HDAC9: variants seen among roughly 807,000 people sequenced by gnomAD.
HDAC9 encodes histone deacetylase 9.
A neutral mutation model predicts 139.4 loss-of-function variants in HDAC9; 41 were observed. That is an observed-to-expected ratio of 0.29 (90% CI 0.23 to 0.38). The LOEUF is 0.38. Among genes scored for constraint, HDAC9 ranks in the 10% least tolerant of loss-of-function variants. The pLI is 1.00. For missense variants in HDAC9, 1,147 were observed against 1,297.0 expected, an observed-to-expected ratio of 0.88 and a Z score of 1.78; for synonymous variants, 517 against 476.2, an observed-to-expected ratio of 1.09 and a Z score of -1.12.
At chr7:18,369,352 A>G (rs1300469487) in intron 1 of HDAC9, among the ~76,000 whole-genome samples, 1 of 152,086 alleles carries the variant, frequency 6.6e-6, no homozygotes, top group Non-Finnish European at 1.5e-5. Flanking sequence ...TATTTTCTAT[A>G]GTGGTATTTA....
chr7:18,755,020 T>C (rs1304867294), intron 14 of HDAC9, among the ~76,000 whole-genome samples: 1 of 152,142 alleles, frequency 6.6e-6, no homozygotes, highest in African/African-American at 2.4e-5. Context: ...AACAGTGTAC[T>C]GTTTTGCTTA....
chr7:18,946,018 T>C (rs886390289), intron 23 of HDAC9, among the ~76,000 whole-genome samples: 1 of 99,400 alleles, frequency 1.0e-5, no homozygotes, highest in East Asian at 3.7e-4. Context: ...GCCTGGGTGA[T>C]AGTACAAGAC....
At chr7:18,577,658 A>G (rs962417446) in intron 2 of HDAC9, among the ~76,000 whole-genome samples, 10 of 152,122 alleles carry the variant, frequency 6.6e-5, no homozygotes, top group Admixed American at 1.3e-4. Flanking sequence ...CATTGTATTT[A>G]GCAGAGTAAT....
At chr7:18,446,146 AC>A (rs1490065981) in intron 1 of HDAC9, among the ~76,000 whole-genome samples, 3 of 152,252 alleles carry the variant, frequency 2.0e-5, no homozygotes, top group Admixed American at 1.3e-4. Flanking sequence ...AGTGGGACAA[AC>A]ACTACCCTTT....
At chr7:18,567,628 T>G (rs964563829) in intron 2 of HDAC9, among the ~76,000 whole-genome samples, 1 of 152,174 alleles carries the variant, frequency 6.6e-6, no homozygotes, top group African/African-American at 2.4e-5. Flanking sequence ...CCTATGATTT[T>G]GGGTTATATA....
intron 2 of HDAC9, among the ~76,000 whole-genome samples, chr7:18,276,649 A>G (rs1303495730): frequency 2.0e-5 from 3 of 152,176 alleles, no homozygotes; most frequent in Non-Finnish European, 4.4e-5. Context: ...CTTTAATAAG[A>G]TAGAATATGT....
At chr7:18,350,841 G>T (rs1027251455) in intron 1 of HDAC9, among the ~76,000 whole-genome samples, 1 of 152,152 alleles carries the variant, frequency 6.6e-6, no homozygotes, top group African/African-American at 2.4e-5. Flanking sequence ...TCCCCATAAC[G>T]ACACTGGGCA....
chr7:18,894,019 A>G (rs1800941312), intron 22 of HDAC9, among the ~76,000 whole-genome samples: 1 of 152,140 alleles, frequency 6.6e-6, no homozygotes, highest in Non-Finnish European at 1.5e-5. Context: ...AAGTAGTCAT[A>G]GTTTGATTTA....
At chr7:18,899,197 T>C (rs933470752) in intron 22 of HDAC9, 1 of 152,046 alleles carries the variant, frequency 6.6e-6, no homozygotes, top group Middle Eastern at 3.2e-3. Flanking sequence ...TCCCTATTAA[T>C]AAAAATGCTG....
intron 7 of HDAC9, among the ~76,000 whole-genome samples, chr7:18,632,161 A>G (rs1584380294): frequency 1.3e-5 from 2 of 152,158 alleles, no homozygotes; most frequent in East Asian, 1.9e-4. Flanking sequence ...AAGAATTTTT[A>G]AATTCTACAT....
At chr7:18,835,033 A>T (rs1300852942) in intron 19 of HDAC9, among the ~76,000 whole-genome samples, 3 of 152,202 alleles carry the variant, frequency 2.0e-5, no homozygotes, top group Non-Finnish European at 4.4e-5. Context: ...AGGCTAGTTA[A>T]TTAAGCCTGA....
At chr7:18,180,272 CA>C (rs1436791942) in intron 2 of HDAC9, among the ~76,000 whole-genome samples, 60 of 149,772 alleles carry the variant, frequency 4.0e-4, no homozygotes, top group Non-Finnish European at 6.4e-4. Flanking sequence ...CACACACACA[CA>C]CCACATTCTT....
intron 1 of HDAC9, among the ~76,000 whole-genome samples, chr7:18,466,171 C>T (rs967188625): frequency 6.6e-6 from 1 of 152,142 alleles, no homozygotes; most frequent in Non-Finnish European, 1.5e-5. Flanking sequence ...TACTCACCTT[C>T]CTTGTCCCGT....
intron 12 of HDAC9, among the ~76,000 whole-genome samples, chr7:18,701,145 T>A (rs548148822): frequency 1.6e-5 from 2 of 124,352 alleles, no homozygotes; most frequent in South Asian, 4.9e-4. Context: ...ACATAGAAAC[T>A]TGTTCATAAA....
At chr7:18,874,722 G>A (rs1799189613) in intron 22 of HDAC9, 126 bp downstream of exon 22, 2 of 634,058 alleles carry the variant, frequency 3.2e-6, no homozygotes, top group Admixed American at 2.5e-5. Context: ...AATGATTCAG[G>A]TGGTGTTTAT....
At chr7:18,407,967 T>G (rs1014318917) in intron 1 of HDAC9, among the ~76,000 whole-genome samples, 1 of 152,190 alleles carries the variant, frequency 6.6e-6, no homozygotes, top group Non-Finnish European at 1.5e-5. Context: ...GAGTTTGAGT[T>G]CTGGCCATAT....
chr7:18,340,594 C>G (rs1478795113), intron 1 of HDAC9, among the ~76,000 whole-genome samples: 1 of 151,474 alleles, frequency 6.6e-6, no homozygotes, highest in Non-Finnish European at 1.5e-5. Context: ...AATCTATCTT[C>G]AAGTGATATT....
chr7:18,550,863 T>TA (rs1816885359), intron 2 of HDAC9, among the ~76,000 whole-genome samples: 1 of 152,164 alleles, frequency 6.6e-6, no homozygotes, highest in Admixed American at 6.5e-5. Flanking sequence ...TGTTGGTTTT[T>TA]ACTCTGAGCA....
intron 1 of HDAC9, among the ~76,000 whole-genome samples, chr7:18,407,177 T>C (rs1172602747): frequency 6.6e-6 from 1 of 152,180 alleles, no homozygotes; most frequent in African/African-American, 2.4e-5. Flanking sequence ...TCTCAGTCTG[T>C]TGGAGAGGAT....
Sources: gnomAD v4.1 joint callset for allele counts (sites outside exome capture counted in the v4.1 genomes callset) on GRCh38, gnomAD v4.1.1 for gene constraint, MANE v1.5 for transcripts, NCBI Gene and HGNC (gene_info 2026-07-23, HGNC 2026-07-21) for gene names.